Variants in CFDP1 observed in about 807,000 individuals in gnomAD.
CFDP1 encodes chromatin remodeling protein CFDP1.
In CFDP1, 31 loss-of-function variants were observed where a neutral mutation model predicts 40.1. That is an observed-to-expected ratio of 0.77 (90% CI 0.58 to 1.04). The LOEUF is 1.04. Among genes scored for constraint, CFDP1 ranks in the 50% least tolerant of loss-of-function variants. The pLI, the probability that CFDP1 is intolerant of heterozygous loss-of-function variation, is 0.00. For synonymous variants in CFDP1, 167 were observed against 120.0 expected (o/e 1.39, Z -2.56); for missense variants, 423 against 343.4 (o/e 1.23, Z -1.83).
intron 4 of CFDP1, among the ~76,000 whole-genome samples, chr16:75,411,198 C>T (rs935568843): frequency 4.0e-5 from 6 of 151,786 alleles, no homozygotes; most frequent in Middle Eastern, 3.2e-3. Flanking sequence ...GCCTGCACAA[C>T]GGGAGCGAGA....
chr16:75,404,128 T>A (rs2079078882), intron 4 of CFDP1, among the ~76,000 whole-genome samples: 1 of 151,496 alleles, frequency 6.6e-6, no homozygotes, highest in African/African-American at 2.4e-5. Context: ...TAAGACCGTG[T>A]CTCAAAATAA....
chr16:75,391,783 A>T (rs542634133), intron 5 of CFDP1, among the ~76,000 whole-genome samples: 1 of 152,064 alleles, frequency 6.6e-6, no homozygotes, highest in East Asian at 1.9e-4. Flanking sequence ...AGCCTGGACA[A>T]CATGGTGAAA....
At chr16:75,313,762 A>C (rs1262995698) in intron 5 of CFDP1, among the ~76,000 whole-genome samples, 1 of 150,968 alleles carries the variant, frequency 6.6e-6, no homozygotes, top group East Asian at 1.9e-4. Flanking sequence ...CTTTGCATGT[A>C]TTCCCTTGAA....
chr16:75,349,899 T>A (rs1215141797), intron 5 of CFDP1, among the ~76,000 whole-genome samples: 1 of 151,496 alleles, frequency 6.6e-6, no homozygotes, highest in Non-Finnish European at 1.5e-5. Flanking sequence ...CTGCCCTGGC[T>A]AGAAGCACCA....
intron 6 of CFDP1, among the ~76,000 whole-genome samples, chr16:75,303,063 G>C (rs1203230783): frequency 1.3e-5 from 2 of 151,804 alleles, no homozygotes; most frequent in African/African-American, 4.8e-5. Flanking sequence ...AGCTGGGCGT[G>C]TAGGCGCGCG....
At chr16:75,341,175 C>A (rs2078524122) in intron 5 of CFDP1, among the ~76,000 whole-genome samples, 1 of 152,148 alleles carries the variant, frequency 6.6e-6, no homozygotes, top group African/African-American at 2.4e-5. Flanking sequence ...GTCTTCCTGA[C>A]AAGGCACCAG....
chr16:75,302,991 G>A (rs1052293434), intron 6 of CFDP1, among the ~76,000 whole-genome samples: 2 of 152,180 alleles, frequency 1.3e-5, no homozygotes, highest in Non-Finnish European at 2.9e-5. Context: ...CCCGAGGTCA[G>A]GAGTTTGAGA....
chr16:75,310,680 A>T lies in CFDP1; in HGVS notation c.651-5498T>A, dbSNP rs188255730. Reference sequence around the variant, plus strand: ...TCCAACCGATTTATTTTGTAGCAAGAGCACTGTTCTATCTGACCACCCTCA... The same window carrying T: ...TCCAACCGATTTATTTTGTAGCAAGTGCACTGTTCTATCTGACCACCCTCA... On this transcript the variant is annotated intron_variant, in intron 5 of 6. Transcript: ENST00000283882. Among the ~76,000 whole-genome samples the T allele has an allele frequency of 2.6e-5, 4 of 152,304 alleles. No homozygotes were observed. In the East Asian group the frequency reaches 7.7e-4, roughly 29 times the overall value.
intron 4 of CFDP1, among the ~76,000 whole-genome samples, chr16:75,402,165 A>C (rs1340481405): frequency 3.3e-5 from 5 of 152,224 alleles, no homozygotes; most frequent in Admixed American, 6.5e-5. Flanking sequence ...TCAAGTATCA[A>C]AATATCTTCA....
intron 1 of CFDP1, among the ~76,000 whole-genome samples, chr16:75,423,853 C>T (rs1165775205): frequency 6.6e-6 from 1 of 152,184 alleles, no homozygotes; most frequent in Non-Finnish European, 1.5e-5. Context: ...GCGTGAGCAA[C>T]TGCACCCAGC....
chr16:75,319,455 G>C (rs889054748), intron 5 of CFDP1, among the ~76,000 whole-genome samples: 1 of 152,138 alleles, frequency 6.6e-6, no homozygotes, highest in African/African-American at 2.4e-5. Flanking sequence ...GGTTGGGGGG[G>C]AACGTGCTTT....
intron 1 of CFDP1, among the ~76,000 whole-genome samples, chr16:75,431,911 CTT>C (rs71380741): frequency 1.6e-4 from 21 of 134,474 alleles, no homozygotes; most frequent in African/African-American, 1.1e-4. Context: ...GACTGGCTAA[CTT>C]TTTTTTTTTT....
intron 5 of CFDP1, among the ~76,000 whole-genome samples, chr16:75,312,393 A>G (rs764651043): frequency 2.6e-5 from 4 of 152,228 alleles, no homozygotes; most frequent in African/African-American, 9.7e-5. Context: ...AATAAAGTTG[A>G]TAACAGTGCC....
chr16:75,335,000 G>A (rs1422242039), intron 5 of CFDP1, among the ~76,000 whole-genome samples: 5 of 151,890 alleles, frequency 3.3e-5, no homozygotes, highest in Non-Finnish European at 7.4e-5. Flanking sequence ...TGGAGACAAA[G>A]CAAAACATCT....
intron 5 of CFDP1, among the ~76,000 whole-genome samples, chr16:75,360,732 C>G (rs1027866382): frequency 3.3e-5 from 5 of 152,136 alleles, no homozygotes; most frequent in Admixed American, 6.5e-5. Flanking sequence ...TATATTTTAT[C>G]TCTTAAGATG....
intron 5 of CFDP1, 184 bp from the exon 6 acceptor site, chr16:75,305,366 G>A (rs939720628): frequency 1.7e-6 from 1 of 598,270 alleles, no homozygotes; most frequent in Non-Finnish European, 2.9e-6. Context: ...ATTCTAATGT[G>A]CTTTTCCTGC....
Position 75,308,763 on chromosome 16 carries a change from C to T in CFDP1, c.651-3581G>A, listed in dbSNP as rs376116523. On this transcript the variant is annotated intron_variant, in intron 5 of 6. Coordinates refer to ENST00000283882, the MANE Select transcript of CFDP1 (RefSeq NM_006324.3). ...AGCTATGTACGCCACCTCTCCCCTT[C>T]AGCCTACAGCTCCAGTGGTATTCCT... Among the ~76,000 whole-genome samples, 15 of 152,246 alleles carry T rather than the reference C, an allele frequency of 9.9e-5. No individual in the cohort carries two copies. The East Asian group carries it at 1.2e-3, about 12-fold the overall frequency.
Position 75,294,039 on chromosome 16 carries a change from G to A in CFDP1, c.813C>T (p.Tyr271=). Residue 271 remains tyrosine (Y), a synonymous_variant, in exon 7 of 7, where the codon TAC becomes TAT. Coordinates refer to ENST00000283882, the MANE Select transcript of CFDP1 (RefSeq NM_006324.3). ...GGTCAAGGAAGGCTTTCCGTTCAAT[G>A]TACCTAGAAGATGAAAACAGTGTTT... ...LAIHNRGKEG[Y]IERKAFLDRV... is the part of the protein sequence containing the mutation. The A allele has an allele frequency of 3.7e-6, 6 of 1,611,372 alleles. No individual in the cohort carries two copies. The highest frequency in any genetic ancestry group is 5.1e-6 in the Non-Finnish European group (6 of 1,177,522).
intron 5 of CFDP1, among the ~76,000 whole-genome samples, chr16:75,320,337 A>G (rs1017581407): frequency 3.3e-5 from 5 of 152,216 alleles, no homozygotes; most frequent in East Asian, 1.9e-4. Flanking sequence ...CTGAAGGCCA[A>G]AAAGTTTGAA....
Sources: allele counts gnomAD v4.1 joint callset (sites outside exome capture counted in the v4.1 genomes callset), GRCh38; gene constraint gnomAD v4.1.1; transcripts MANE v1.5; gene names NCBI Gene and HGNC (gene_info 2026-07-23, HGNC 2026-07-21).